ERC1: variants seen among roughly 807,000 people sequenced by gnomAD.
The protein encoded by ERC1 is RAB6 interacting protein 2.
In ERC1, 56 loss-of-function variants were observed where a neutral mutation model predicts 132.0. The observed-to-expected ratio is 0.42, with a 90% CI of 0.34 to 0.53. The LOEUF (loss-of-function observed/expected upper bound fraction) is 0.53, where lower values mean the gene tolerates loss of function less well. Among genes scored for constraint, ERC1 ranks in the 20% least tolerant of loss-of-function variants. The probability of loss-of-function intolerance (pLI) is 0.03; values close to 1 mark genes in which losing one functional copy is unlikely to be tolerated. For synonymous variants in ERC1, 478 were observed against 476.1 expected, an observed-to-expected ratio of 1.00 and a Z score of -0.05; for missense variants, 1,202 against 1,349.9, an observed-to-expected ratio of 0.89 and a Z score of 1.72.
At chr12:1,409,060 C>G (rs1446571860) in intron 17 of ERC1, among the ~76,000 whole-genome samples, 1 of 152,078 alleles carries the variant, frequency 6.6e-6, no homozygotes, top group African/African-American at 2.4e-5. Context: ...TAAACGTCTC[C>G]ACTAAATAAC....
chr12:991,465 C>G (rs1329104603), intron 1 of ERC1, 143 bp downstream of exon 1: 3 of 152,780 alleles, frequency 2.0e-5, no homozygotes, highest in African/African-American at 7.2e-5. Flanking sequence ...GCAACGCGCC[C>G]CCGGGGAGGG....
intron 17 of ERC1, chr12:1,443,998 G>A (rs2093234505): frequency 6.6e-6 from 1 of 152,332 alleles, no homozygotes; most frequent in Admixed American, 6.5e-5. Context: ...TGAAATAAAT[G>A]AGAAGAGCAT....
chr12:1,387,702 C>T (rs191124820), intron 16 of ERC1, among the ~76,000 whole-genome samples: 11 of 152,310 alleles, frequency 7.2e-5, no homozygotes, highest in Admixed American at 7.2e-4. Context: ...GAAGGATGCT[C>T]CCTTAGCATC....
chr12:1,199,115 A>G (rs892250117), intron 12 of ERC1, among the ~76,000 whole-genome samples: 25 of 137,634 alleles, frequency 1.8e-4, no homozygotes, highest in African/African-American at 4.7e-4. Context: ...GGGGATCACA[A>G]TTCAACATGA....
intron 17 of ERC1, among the ~76,000 whole-genome samples, chr12:1,441,910 C>T (rs1261362587): frequency 6.6e-6 from 1 of 152,094 alleles, no homozygotes; most frequent in Non-Finnish European, 1.5e-5. Context: ...GTAAATTTTC[C>T]ACAATGAGTA....
chr12:1,262,225 G>A (rs1484906864), intron 13 of ERC1, among the ~76,000 whole-genome samples: 1 of 152,204 alleles, frequency 6.6e-6, no homozygotes, highest in Non-Finnish European at 1.5e-5. Context: ...ATAATAACCT[G>A]ATGACTGCAG....
In ERC1 at chr12:1,028,589, TTTACC is replaced by T; in HGVS notation, c.669+20_669+24del. 6.4e-7 allele frequency: 1 copy of T among 1,573,264 alleles called. No homozygotes were observed. The highest frequency in any genetic ancestry group is 2.2e-5 in the East Asian group (1 of 44,486). On this transcript the variant is annotated intron_variant, in intron 2 of 18. Coordinates refer to ENST00000360905, the MANE Select transcript of ERC1 (RefSeq NM_178040.4). ...GAAAACCAGGTAAGTTCTACGTGTG[TTTACC>T]TTTATTGGCTGAATTCATGTATATA...
intron 18 of ERC1, among the ~76,000 whole-genome samples, chr12:1,477,036 C>T (rs2093988074): frequency 6.6e-6 from 1 of 151,962 alleles, no homozygotes; most frequent in African/African-American, 2.4e-5. Context: ...GGAACATTCA[C>T]CAAGAGATGT....
intron 2 of ERC1, among the ~76,000 whole-genome samples, chr12:1,067,008 A>G (rs1939336573): frequency 6.6e-6 from 1 of 152,120 alleles, no homozygotes; most frequent in South Asian, 2.1e-4. Flanking sequence ...GGGTTTTGCC[A>G]TGTTGCGCAG....
intron 2 of ERC1, among the ~76,000 whole-genome samples, chr12:1,046,328 A>T (rs979470964): frequency 2.6e-5 from 4 of 152,176 alleles, no homozygotes; most frequent in Non-Finnish European, 4.4e-5. Context: ...TATAATAGGG[A>T]ACACCACATT....
intron 12 of ERC1, among the ~76,000 whole-genome samples, chr12:1,216,451 AT>A (rs1010425711): frequency 4.6e-5 from 7 of 152,216 alleles, no homozygotes; most frequent in African/African-American, 1.7e-4. Context: ...TCCAAATTAA[AT>A]TAGTTTTTAA....
chr12:1,331,210 C>T (rs1440485401), intron 15 of ERC1, among the ~76,000 whole-genome samples: 1 of 152,184 alleles, frequency 6.6e-6, no homozygotes, highest in African/African-American at 2.4e-5. Flanking sequence ...CTTCTGAATG[C>T]ATATTTTAAT....
At chr12:1,436,980 A>G (rs1197311221) in intron 17 of ERC1, among the ~76,000 whole-genome samples, 1 of 151,418 alleles carries the variant, frequency 6.6e-6, no homozygotes, top group Non-Finnish European at 1.5e-5. Flanking sequence ...AGATATATAT[A>G]TATATATGTA....
At chr12:1,182,937 GT>G (rs1252903258) in intron 10 of ERC1, among the ~76,000 whole-genome samples, 14 of 152,168 alleles carry the variant, frequency 9.2e-5, no homozygotes, top group African/African-American at 3.4e-4. Context: ...AAAATGCTGG[GT>G]TTACAGGTAT....
Position 1,366,158 on chromosome 12 carries a change from T to C in ERC1, c.2781-5675T>C, listed in dbSNP as rs2086644351. On this transcript the variant is annotated intron_variant, in intron 15 of 18. Coordinates refer to ENST00000360905, the MANE Select transcript of ERC1 (RefSeq NM_178040.4). Reference sequence around the variant, plus strand: ...GTCGCAGAACAATCTAAATGTACTTTACTGAACTGTTCATTTATAAATGGT... The same window carrying C: ...GTCGCAGAACAATCTAAATGTACTTCACTGAACTGTTCATTTATAAATGGT... 2.0e-5 allele frequency among the ~76,000 whole-genome samples: 3 copies of C among 151,778 alleles called. No homozygotes were observed. The South Asian group carries it at 6.2e-4, about 31-fold the overall frequency.
At chr12:1,057,324 C>T (rs1408665940) in intron 2 of ERC1, among the ~76,000 whole-genome samples, 1 of 151,802 alleles carries the variant, frequency 6.6e-6, no homozygotes, top group Non-Finnish European at 1.5e-5. Flanking sequence ...GGGTTTCGCC[C>T]TGTTGGCCAG....
chr12:1,264,223 T>TCTTAAAAG (rs2077329672), intron 14 of ERC1, among the ~76,000 whole-genome samples: 1 of 152,198 alleles, frequency 6.6e-6, no homozygotes, highest in Admixed American at 6.5e-5. Flanking sequence ...GTTTTACATA[T>TCTTAAAAG]ATCCTGCATC....
At chr12:1,179,500 CTTTTTTTTTTTTTT>C (rs58317880) in intron 8 of ERC1, among the ~76,000 whole-genome samples, 13 of 95,744 alleles carry the variant, frequency 1.4e-4, no homozygotes, top group Admixed American at 6.9e-4. Context: ...ATTCATTTTT[CTTTTTTTTTTTTTT>C]TTTTTTTTTT....
Position 1,110,361 on chromosome 12 carries a change from A to G in ERC1, c.1317+14A>G. ...ATGAAAAATAAGGTAATGGCATGTGAGACTTTTGATTCTTAAAAGGAGTTT... is the reference window on the plus strand; with the variant it reads ...ATGAAAAATAAGGTAATGGCATGTGGGACTTTTGATTCTTAAAAGGAGTTT... On this transcript the variant is annotated intron_variant, in intron 5 of 18. Transcript: ENST00000360905. 1.3e-6 allele frequency: 2 copies of G among 1,578,482 alleles called. No homozygotes were observed. The highest frequency in any genetic ancestry group is 1.7e-6 in the Non-Finnish European group (2 of 1,164,574).
Sources: allele counts gnomAD v4.1 joint callset (sites outside exome capture counted in the v4.1 genomes callset), GRCh38; gene constraint gnomAD v4.1.1; transcripts MANE v1.5; gene names NCBI Gene and HGNC (gene_info 2026-07-23, HGNC 2026-07-21).